Variants in FZD3 observed in about 807,000 individuals in gnomAD.
The protein encoded by FZD3 is frizzled-3.
Under a neutral mutation model 60.7 loss-of-function variants are expected in FZD3, and 30 were observed. The ratio of observed to expected loss-of-function variants is 0.49; its 90% CI spans 0.37 to 0.67. The LOEUF is 0.67. FZD3 is among the 30% of genes least tolerant of loss of function. The pLI is 0.00. For synonymous variants in FZD3, 246 were observed against 275.2 expected (o/e 0.89, Z 1.05); for missense variants, 605 against 838.7 (o/e 0.72, Z 3.44).
intron 5 of FZD3, among the ~76,000 whole-genome samples, chr8:28,529,875 A>G (rs1238271735): frequency 1.3e-5 from 2 of 152,268 alleles, no homozygotes; most frequent in African/African-American, 2.4e-5. Flanking sequence ...ATGTTGAGTT[A>G]TATTTTATGC....
At chr8:28,562,747 A>G (rs1390778598) in intron 7 of FZD3, 51 bp from the exon 8 acceptor site, 8 of 1,049,448 alleles carry the variant, frequency 7.6e-6, no homozygotes, top group East Asian at 2.6e-5. Flanking sequence ...TAGTGTTATT[A>G]TATTTTCTAG....
At chr8:28,507,393 C>T (rs1284009549) in intron 3 of FZD3, among the ~76,000 whole-genome samples, 1 of 152,050 alleles carries the variant, frequency 6.6e-6, no homozygotes, top group Non-Finnish European at 1.5e-5. Flanking sequence ...TGATTAGACA[C>T]GAGTTTGGTT....
intron 5 of FZD3, among the ~76,000 whole-genome samples, chr8:28,529,294 T>C (rs1334082732): frequency 6.6e-6 from 1 of 152,126 alleles, no homozygotes; most frequent in Non-Finnish European, 1.5e-5. Context: ...ATTTTCCAGA[T>C]TTCCTCTTAT....
chr8:28,532,297 T>C (rs1563395551), intron 5 of FZD3, among the ~76,000 whole-genome samples: 1 of 152,234 alleles, frequency 6.6e-6, no homozygotes, highest in African/African-American at 2.4e-5. Context: ...AGGATTTTCA[T>C]TGAAATTGTT....
At chr8:28,546,752 G>T (rs564240390) in intron 5 of FZD3, among the ~76,000 whole-genome samples, 1 of 152,268 alleles carries the variant, frequency 6.6e-6, no homozygotes, top group African/African-American at 2.4e-5. Context: ...GAGGCAGGCG[G>T]ATAACAAGGT....
chr8:28,547,287 A>C (rs1805317468), intron 5 of FZD3, among the ~76,000 whole-genome samples: 1 of 152,236 alleles, frequency 6.6e-6, no homozygotes, highest in South Asian at 2.1e-4. Context: ...GTATCTTTTC[A>C]TGCCCTCATG....
chr8:28,552,068 T>G (rs1170648687), intron 6 of FZD3, among the ~76,000 whole-genome samples: 1 of 152,228 alleles, frequency 6.6e-6, no homozygotes, highest in Non-Finnish European at 1.5e-5. Flanking sequence ...TTCTCTACAT[T>G]CTTATCTGAT....
chr8:28,512,108 ACTTTT>A (rs997056405), intron 3 of FZD3, among the ~76,000 whole-genome samples: 1 of 152,114 alleles, frequency 6.6e-6, no homozygotes, highest in Non-Finnish European at 1.5e-5. Flanking sequence ...CTAGTATTTT[ACTTTT>A]CTTTTTTTCT....
At chr8:28,546,380 C>T (rs967155204) in intron 5 of FZD3, among the ~76,000 whole-genome samples, 1 of 152,128 alleles carries the variant, frequency 6.6e-6, no homozygotes, top group Non-Finnish European at 1.5e-5. Flanking sequence ...ACCCAGAGAG[C>T]CAGTTGTTAA....
chr8:28,515,121 C>T (rs1804389803), intron 3 of FZD3, among the ~76,000 whole-genome samples: 2 of 152,078 alleles, frequency 1.3e-5, no homozygotes, highest in South Asian at 4.1e-4. Context: ...ATGGTACTTA[C>T]CTTATAGGAT....
chr8:28,527,227 C>T lies in FZD3; in HGVS notation c.467C>T (p.Ala156Val), dbSNP rs747225056. 7 of 1,613,514 alleles carry T rather than the reference C, an allele frequency of 4.3e-6. No homozygotes were observed. In the Admixed American group the frequency reaches 1.2e-4, roughly 27 times the overall value. ...AGEPTEGAPV[A>V]VQRDYGFWCP... ...GAACCAACTGAAGGAGCCCCAGTGG[C>T]AGTGCAGAGAGACTATGGTTTTTGG... Residue 156 changes from alanine (A) to valine (V), a missense_variant, in exon 5 of 8, where the codon GCA becomes GTA. By Grantham distance (64) the Ala-to-Val change is moderately conservative. Transcript: ENST00000240093. The surrounding 1 kb of genome is among the most constrained non-coding windows in gnomAD (Gnocchi z 5.0).
intron 7 of FZD3, among the ~76,000 whole-genome samples, chr8:28,557,306 G>T (rs1164449508): frequency 6.6e-6 from 1 of 150,612 alleles, no homozygotes; most frequent in East Asian, 1.9e-4. Flanking sequence ...TTTTTGGGGT[G>T]TTTTTTTTTA....
rs573061436 is a variant in FZD3 at position 28,567,859 on chromosome 8, A to G, written c.*4848A>G. On this transcript the variant is annotated 3_prime_UTR_variant, in exon 8 of 8. Transcript: ENST00000240093. ...ATATTCATTTTATTTTTCCTTTTATATGAAATTGTATAAGTACATTAGCTT... is the reference window on the plus strand; with the variant it reads ...ATATTCATTTTATTTTTCCTTTTATGTGAAATTGTATAAGTACATTAGCTT... 17 of 152,250 alleles carry G rather than the reference A, an allele frequency of 1.1e-4. No homozygotes were observed. The South Asian group carries it at 1.9e-3, about 17-fold the overall frequency. 9.4% of individuals were successfully genotyped at this position (152,250 alleles called of 1,614,324 possible). A position where few individuals can be genotyped will look rare whatever the true frequency, so the allele number is the denominator to read the frequency against.
chr8:28,558,438 T>TTA (rs1805553154), intron 7 of FZD3, among the ~76,000 whole-genome samples: 1 of 25,976 alleles, frequency 3.8e-5, no homozygotes, highest in African/African-American at 1.4e-4. Flanking sequence ...ATTTATTTAT[T>TTA]TTTTTTTTTT....
intron 5 of FZD3, among the ~76,000 whole-genome samples, chr8:28,544,494 A>G (rs906164329): frequency 6.6e-6 from 1 of 152,206 alleles, no homozygotes; most frequent in Admixed American, 6.5e-5. Flanking sequence ...ATAATTTCTT[A>G]GAGCAATTCA....
intron 7 of FZD3, among the ~76,000 whole-genome samples, chr8:28,561,738 G>C (rs568426324): frequency 6.6e-6 from 1 of 152,148 alleles, no homozygotes; most frequent in African/African-American, 2.4e-5. Context: ...CATATATATA[G>C]GTGTTAAGTA....
chr8:28,543,406 A>C (rs1805218907), intron 5 of FZD3, among the ~76,000 whole-genome samples: 1 of 150,760 alleles, frequency 6.6e-6, no homozygotes, highest in Non-Finnish European at 1.5e-5. Context: ...TTTGAGATGG[A>C]GTGTCACTCT....
At position 28,568,048 on chromosome 8, in the gene FZD3, T is replaced by G. The variant is rs375564001; in HGVS notation, c.*5037T>G. The G allele has an allele frequency of 9.8e-5, 15 of 152,298 alleles. 1 individual carries two copies. The East Asian group carries it at 1.9e-3, about 20-fold the overall frequency. 9.4% of individuals were successfully genotyped at this position (152,298 alleles called of 1,614,324 possible). A position where few individuals can be genotyped will look rare whatever the true frequency, so the allele number is the denominator to read the frequency against. On this transcript the variant is annotated 3_prime_UTR_variant, in exon 8 of 8. Coordinates refer to ENST00000240093, the MANE Select transcript of FZD3 (RefSeq NM_017412.4). ...TTTCATTGTGGCAAAACTTTAAATT[T>G]TAAGTCATCACACTATGAGAATTGT...
intron 7 of FZD3, among the ~76,000 whole-genome samples, chr8:28,561,712 T>C (rs1805616711): frequency 6.6e-6 from 1 of 152,166 alleles, no homozygotes; most frequent in Non-Finnish European, 1.5e-5. Context: ...CTAAATCAAA[T>C]ACTTTTACAG....
Sources: allele counts gnomAD v4.1 joint callset (sites outside exome capture counted in the v4.1 genomes callset), GRCh38; gene constraint gnomAD v4.1.1; non-coding constraint Gnocchi (gnomAD v3.1); transcripts MANE v1.5; gene names NCBI Gene and HGNC (gene_info 2026-07-23, HGNC 2026-07-21).